Variants in CREB3L2 observed in about 807,000 individuals in gnomAD.
The protein encoded by CREB3L2 is cAMP responsive element binding protein 3 like 2, also known as cyclic AMP-responsive element-binding protein 3-like protein 2.
Under a neutral mutation model 57.2 loss-of-function variants are expected in CREB3L2, and 23 were observed. The observed-to-expected ratio is 0.40, with a 90% CI of 0.29 to 0.57. CREB3L2 has a LOEUF of 0.57. Among genes scored for constraint, CREB3L2 ranks in the 20% least tolerant of loss-of-function variants. The pLI is 0.42. For synonymous variants in CREB3L2, 268 were observed against 265.1 expected, an observed-to-expected ratio of 1.01 and a Z score of -0.11; for missense variants, 628 against 634.7, an observed-to-expected ratio of 0.99 and a Z score of 0.11.
At chr7:137,914,355 G>A (rs766738717) in intron 3 of CREB3L2, among the ~76,000 whole-genome samples, 3 of 152,118 alleles carry the variant, frequency 2.0e-5, no homozygotes, top group Non-Finnish European at 4.4e-5. Context: ...CAACTAGGCC[G>A]GGCATGTGGC....
rs1481192696 is a variant in CREB3L2 at position 137,880,594 on chromosome 7, T to C, written c.1488-43A>G. On this transcript the variant is annotated intron_variant, in intron 11 of 11. Coordinates refer to ENST00000330387, the MANE Select transcript of CREB3L2 (RefSeq NM_194071.4). This position sits in a 1 kb window ranked among gnomAD's most constrained non-coding sequence, Gnocchi z 4.0. ...GGAAAACGAAGTATTAGTCACCAGC[T>C]GTTAGCTACAATTCTCATGCTTTGT... The C allele has an allele frequency of 6.8e-7, 1 of 1,465,770 alleles. No individual in the cohort carries two copies. The highest frequency in any genetic ancestry group is 1.7e-5 in the Admixed American group (1 of 59,312). 90.8% of individuals were successfully genotyped at this position (1,465,770 alleles called of 1,614,324 possible).
intron 8 of CREB3L2, among the ~76,000 whole-genome samples, chr7:137,894,420 G>T (rs913764523): frequency 6.6e-6 from 1 of 152,156 alleles, no homozygotes; most frequent in East Asian, 1.9e-4. Context: ...ATTGAATCCA[G>T]ACCTGACATA....
chr7:137,942,797 T>C (rs1453104519), intron 1 of CREB3L2, among the ~76,000 whole-genome samples: 1 of 152,226 alleles, frequency 6.6e-6, no homozygotes, highest in Non-Finnish European at 1.5e-5. Context: ...GAATGTTTGT[T>C]CATGATTGAA....
At chr7:137,883,274 T>C (rs979388719) in intron 10 of CREB3L2, among the ~76,000 whole-genome samples, 4 of 152,232 alleles carry the variant, frequency 2.6e-5, no homozygotes, top group Non-Finnish European at 5.9e-5. Context: ...ACTTCTGTCA[T>C]ACCTGGCAGA....
chr7:137,926,223 A>G (rs1475026942), intron 2 of CREB3L2, among the ~76,000 whole-genome samples: 1 of 152,218 alleles, frequency 6.6e-6, no homozygotes, highest in East Asian at 1.9e-4. Flanking sequence ...CAGCAATCCC[A>G]TTACTGGGTA....
chr7:137,892,422 G>A (rs930702926), intron 8 of CREB3L2, among the ~76,000 whole-genome samples: 1 of 151,566 alleles, frequency 6.6e-6, no homozygotes, highest in Admixed American at 6.6e-5. Flanking sequence ...AGGCTGAGGT[G>A]AGCGGATCAC....
At chr7:137,988,767 T>C (rs1193349277) in intron 1 of CREB3L2, among the ~76,000 whole-genome samples, 1 of 152,104 alleles carries the variant, frequency 6.6e-6, no homozygotes, top group Non-Finnish European at 1.5e-5. Flanking sequence ...CATCCAGAGA[T>C]AGATGGACTT....
At chr7:137,953,062 C>A (rs943731914) in intron 1 of CREB3L2, among the ~76,000 whole-genome samples, 1 of 152,266 alleles carries the variant, frequency 6.6e-6, no homozygotes, top group Non-Finnish European at 1.5e-5. Flanking sequence ...AGTGATCTGC[C>A]TGCCTCGGCC....
rs572273841 is a variant in CREB3L2 at position 137,986,105 on chromosome 7, C to G, written c.102+15499G>C. Among the ~76,000 whole-genome samples, 8 of 152,290 alleles carry G rather than the reference C, an allele frequency of 5.3e-5. No individual in the cohort carries two copies. The East Asian group carries it at 1.5e-3, about 29-fold the overall frequency. On this transcript the variant is annotated intron_variant, in intron 1 of 11. Coordinates refer to ENST00000330387, the MANE Select transcript of CREB3L2 (RefSeq NM_194071.4). ...TGTCATTTATCTTCCTCCACCATGG[C>G]CTTGTGAAACAGTCTCAGAAAGGTG...
intron 1 of CREB3L2, among the ~76,000 whole-genome samples, chr7:137,958,396 G>A (rs1274316241): frequency 2.0e-5 from 3 of 152,130 alleles, no homozygotes; most frequent in Non-Finnish European, 4.4e-5. Flanking sequence ...CAGGCACAGT[G>A]GTTCACACCT....
chr7:137,953,096 C>T (rs369729237), intron 1 of CREB3L2, among the ~76,000 whole-genome samples: 5 of 152,370 alleles, frequency 3.3e-5, no homozygotes, highest in African/African-American at 1.2e-4. Context: ...GGATGAAAGG[C>T]ATGAGCCGCT....
At chr7:137,987,635 C>G (rs1473915359) in intron 1 of CREB3L2, among the ~76,000 whole-genome samples, 1 of 152,170 alleles carries the variant, frequency 6.6e-6, no homozygotes, top group African/African-American at 2.4e-5. Context: ...TACACGGGAG[C>G]TTTTTGTATT....
chr7:137,966,767 T>G (rs274013), intron 1 of CREB3L2, among the ~76,000 whole-genome samples: 74,456 of 152,094 alleles, frequency 0.49, 21,300 homozygotes, highest in East Asian at 0.74. Flanking sequence ...ACTGTGCTTC[T>G]GAATCCTTGT....
intron 1 of CREB3L2, among the ~76,000 whole-genome samples, chr7:137,987,912 C>T (rs777486635): frequency 6.6e-6 from 1 of 152,194 alleles, no homozygotes; most frequent in Non-Finnish European, 1.5e-5. Context: ...TTCTTACTGA[C>T]ATAATGTGAT....
At chr7:137,999,379 T>TACACGC (rs1802039809) in intron 1 of CREB3L2, among the ~76,000 whole-genome samples, 1 of 142,324 alleles carries the variant, frequency 7.0e-6, no homozygotes, top group Non-Finnish European at 1.5e-5. Context: ...TATGTTCCCC[T>TACACGC]ACACACACAC....
At chr7:137,951,905 G>A (rs369773283) in intron 1 of CREB3L2, among the ~76,000 whole-genome samples, 7 of 152,122 alleles carry the variant, frequency 4.6e-5, no homozygotes, top group Non-Finnish European at 8.8e-5. Context: ...TGGGAGGATC[G>A]CTTAAGCCCA....
Position 137,885,136 on chromosome 7 carries a change from G to A in CREB3L2, c.1144-15C>T, listed in dbSNP as rs563232357. ...AGCACCACAACCTGTGGGAGAGAAA[G>A]AGGGGAGAGAGAACACGAGGGGCTG... On this transcript the variant is annotated splice_polypyrimidine_tract_variant and intron_variant, in intron 9 of 11. Transcript: ENST00000330387. The A allele has an allele frequency of 1.4e-5, 22 of 1,613,596 alleles. No individual in the cohort carries two copies. Among genetic ancestry groups the A allele is most frequent in the South Asian group, 2.2e-5 (2 of 91,050 alleles).
intron 8 of CREB3L2, among the ~76,000 whole-genome samples, chr7:137,889,732 C>A (rs184308440): frequency 9.2e-4 from 140 of 152,270 alleles, no homozygotes; most frequent in African/African-American, 3.2e-3. Context: ...AAACAGACTT[C>A]TATGATCCAA....
intron 10 of CREB3L2, 47 bp downstream of exon 10, chr7:137,884,948 A>G: frequency 6.2e-7 from 1 of 1,611,560 alleles, no homozygotes; most frequent in Non-Finnish European, 8.5e-7. Flanking sequence ...ACCCAGCTCT[A>G]GGGAAATAAA....
Sources: allele counts gnomAD v4.1 joint callset (sites outside exome capture counted in the v4.1 genomes callset), GRCh38; gene constraint gnomAD v4.1.1; non-coding constraint Gnocchi (gnomAD v3.1); transcripts MANE v1.5; gene names NCBI Gene and HGNC (gene_info 2026-07-23, HGNC 2026-07-21).